The following CTNNA2 variants were observed in gnomAD, a reference collection of about 807,000 sequenced individuals.
CTNNA2 encodes catenin alpha 2.
CTNNA2 carries 42 observed loss-of-function variants against 101.0 expected under a neutral mutation model. That is an observed-to-expected ratio of 0.42 (90% CI 0.32 to 0.54). The LOEUF is 0.54. Ranked by LOEUF, CTNNA2 falls within the 20% of genes least tolerant of loss-of-function variation. The pLI is 0.14. For missense variants in CTNNA2, 871 were observed against 1,223.1 expected (o/e 0.71, Z 4.29); for synonymous variants, 450 against 456.4 (o/e 0.99, Z 0.18).
At chr2:79,400,735 G>A (rs908908939) in intron 4 of CTNNA2, among the ~76,000 whole-genome samples, 1 of 151,890 alleles carries the variant, frequency 6.6e-6, no homozygotes, top group Admixed American at 6.6e-5. Context: ...AAAAATATTT[G>A]AGGACATAAT....
At chr2:79,468,873 G>T (rs979131662) in intron 4 of CTNNA2, among the ~76,000 whole-genome samples, 1 of 152,118 alleles carries the variant, frequency 6.6e-6, no homozygotes, top group Non-Finnish European at 1.5e-5. Context: ...GGGACGCATT[G>T]AAAGCAGTGT....
Position 80,302,344 on chromosome 2 carries a change from G to A in CTNNA2, c.1057-90867G>A. ...GGGCTCCCTCAATGTGGTTCGGTTT[G>A]TAATCAACGTAGTATTCCTGGGCAG... On this transcript the variant is annotated intron_variant, in intron 7 of 18. Transcript: ENST00000402739. The surrounding 1 kb of genome is among the most constrained non-coding windows in gnomAD (Gnocchi z 6.4). 6.2e-7 allele frequency: 1 copy of A among 1,614,232 alleles called. No homozygotes were observed. Among genetic ancestry groups the A allele is most frequent in the Non-Finnish European group, 8.5e-7 (1 of 1,180,034 alleles).
intron 1 of CTNNA2, among the ~76,000 whole-genome samples, chr2:79,609,765 C>T (rs1022416326): frequency 7.9e-5 from 12 of 152,058 alleles, no homozygotes; most frequent in African/African-American, 2.7e-4. Context: ...AAATGATCTT[C>T]AATCCATAAC....
At chr2:80,403,483 T>C (rs566222722) in intron 8 of CTNNA2, among the ~76,000 whole-genome samples, 2 of 152,366 alleles carry the variant, frequency 1.3e-5, no homozygotes, top group South Asian at 2.1e-4. Flanking sequence ...TTGATGTTTA[T>C]CACAGTGACA....
chr2:79,214,666 T>TG (rs1190044337), intron 2 of CTNNA2, among the ~76,000 whole-genome samples: 4 of 151,086 alleles, frequency 2.6e-5, no homozygotes, highest in Non-Finnish European at 5.9e-5. Flanking sequence ...GTGGGTAAGG[T>TG]GGGGGGATAC....
intron 6 of CTNNA2, among the ~76,000 whole-genome samples, chr2:79,890,691 C>T (rs1684237025): frequency 6.6e-6 from 1 of 151,210 alleles, no homozygotes; most frequent in Admixed American, 6.6e-5. Flanking sequence ...TAATCTTTCA[C>T]AAGTACACAG....
chr2:80,183,904 T>A (rs1205070494), intron 7 of CTNNA2, among the ~76,000 whole-genome samples: 1 of 151,964 alleles, frequency 6.6e-6, no homozygotes, highest in Non-Finnish European at 1.5e-5. Flanking sequence ...TGTGTGTGTG[T>A]GTGTGTAAGC....
intron 2 of CTNNA2, among the ~76,000 whole-genome samples, chr2:79,293,792 T>A (rs761012399): frequency 3.9e-5 from 6 of 152,024 alleles, no homozygotes; most frequent in Non-Finnish European, 5.9e-5. Flanking sequence ...GAAAATAAAA[T>A]AAAAGTAAGA....
At chr2:79,968,568 AG>A (rs1222331025) in intron 7 of CTNNA2, among the ~76,000 whole-genome samples, 1 of 152,156 alleles carries the variant, frequency 6.6e-6, no homozygotes, top group Non-Finnish European at 1.5e-5. Context: ...GCATTTTGGG[AG>A]GCCAAGTCAG....
intron 9 of CTNNA2, among the ~76,000 whole-genome samples, chr2:80,442,481 A>T (rs1423823665): frequency 6.6e-6 from 1 of 152,046 alleles, no homozygotes; most frequent in Admixed American, 6.6e-5. Flanking sequence ...ACATGCAGTG[A>T]CCCCCATCCT....
chr2:79,333,471 C>T (rs1254946243), intron 3 of CTNNA2, among the ~76,000 whole-genome samples: 1 of 152,124 alleles, frequency 6.6e-6, no homozygotes, highest in Non-Finnish European at 1.5e-5. Flanking sequence ...GGCTGCAATT[C>T]TTCCTCACTA....
chr2:79,827,968 C>G (rs559218416), intron 3 of CTNNA2, among the ~76,000 whole-genome samples: 5 of 152,290 alleles, frequency 3.3e-5, no homozygotes, highest in African/African-American at 1.2e-4. Flanking sequence ...CCTGAAACAT[C>G]ATGTTCTTGA....
At chr2:79,416,646 CG>C (rs1678486079) in intron 4 of CTNNA2, among the ~76,000 whole-genome samples, 1 of 151,980 alleles carries the variant, frequency 6.6e-6, no homozygotes, top group African/African-American at 2.4e-5. Context: ...CACTTACTTC[CG>C]GAAGGAATTA....
chr2:79,568,613 C>CGAAAA (rs1335489290), intron 1 of CTNNA2, among the ~76,000 whole-genome samples: 2 of 149,864 alleles, frequency 1.3e-5, no homozygotes, highest in South Asian at 4.2e-4. Context: ...AGAAAAGTAA[C>CGAAAA]GAAAAGAAAA....
intron 1 of CTNNA2, chr2:79,523,222 T>A: frequency 2.3e-6 from 1 of 444,090 alleles, no homozygotes; most frequent in East Asian, 7.1e-5. Flanking sequence ...AATGTCTGGG[T>A]TGATCTGCCT....
intron 9 of CTNNA2, among the ~76,000 whole-genome samples, chr2:80,425,040 C>A (rs779062464): frequency 1.4e-4 from 21 of 152,176 alleles, no homozygotes; most frequent in Non-Finnish European, 2.5e-4. Flanking sequence ...TTCTTTCTGA[C>A]TTCTCAGATT....
rs561281380 is a variant in CTNNA2, at chr2:79,368,478, T to A, written c.-317-5353T>A. Among the ~76,000 whole-genome samples the A allele has an allele frequency of 1.7e-4, 26 of 152,270 alleles. No individual in the cohort carries two copies. The South Asian group carries it at 5.4e-3, about 32-fold the overall frequency. ...TCCCGGCATTTCACCATGTAGCTAC[T>A]CCATAGCTGGACGTTGTGCGGATTT... On this transcript the variant is annotated intron_variant, in intron 3 of 21. Transcript: ENST00000466387.
At chr2:80,243,584 T>C (rs1231885134) in intron 7 of CTNNA2, among the ~76,000 whole-genome samples, 2 of 152,162 alleles carry the variant, frequency 1.3e-5, no homozygotes, top group Non-Finnish European at 2.9e-5. Context: ...TTTATCTACA[T>C]TGCATCGTGT....
chr2:80,088,377 G>A (rs752567039), intron 7 of CTNNA2, among the ~76,000 whole-genome samples: 5 of 151,910 alleles, frequency 3.3e-5, no homozygotes, highest in Non-Finnish European at 2.9e-5. Context: ...CCCAGCCTCC[G>A]AACCTCACTG....
Sources: allele counts gnomAD v4.1 joint callset (sites outside exome capture counted in the v4.1 genomes callset), GRCh38; gene constraint gnomAD v4.1.1; non-coding constraint Gnocchi (gnomAD v3.1); transcripts MANE v1.5; gene names NCBI Gene and HGNC (gene_info 2026-07-23, HGNC 2026-07-21).